The following GABBR2 variants were observed in gnomAD, a reference collection of about 807,000 sequenced individuals.
GABBR2 encodes gamma-aminobutyric acid type B receptor subunit 2.
A neutral mutation model predicts 105.6 loss-of-function variants in GABBR2; 23 were observed. The ratio of observed to expected loss-of-function variants is 0.22; its 90% CI spans 0.16 to 0.31. The LOEUF (loss-of-function observed/expected upper bound fraction) is 0.31. Among genes scored for constraint, GABBR2 ranks in the 10% least tolerant of loss-of-function variants. The probability of loss-of-function intolerance (pLI) is 1.00; values close to 1 mark genes in which losing one functional copy is unlikely to be tolerated. For synonymous variants in GABBR2, 478 were observed against 499.7 expected (o/e 0.96, Z 0.58); for missense variants, 734 against 1,245.5 (o/e 0.59, Z 6.18).
intron 1 of GABBR2, among the ~76,000 whole-genome samples, chr9:98,616,608 G>T (rs944269791): frequency 6.6e-6 from 1 of 152,128 alleles, no homozygotes; most frequent in African/African-American, 2.4e-5. Context: ...ACAAAAATTA[G>T]CTGGGCATGG....
intron 8 of GABBR2, among the ~76,000 whole-genome samples, chr9:98,405,778 A>G (rs1645836952): frequency 6.6e-6 from 1 of 152,254 alleles, no homozygotes; most frequent in African/African-American, 2.4e-5. Flanking sequence ...AAGAAAAAAA[A>G]GTCTGTATGT....
chr9:98,474,903 C>A (rs1178448167), intron 5 of GABBR2, among the ~76,000 whole-genome samples: 1 of 152,142 alleles, frequency 6.6e-6, no homozygotes, highest in Non-Finnish European at 1.5e-5. Context: ...CCCTTAATAC[C>A]TGAGAAAGCC....
intron 3 of GABBR2, among the ~76,000 whole-genome samples, chr9:98,500,561 C>G (rs190478595): frequency 6.6e-6 from 1 of 152,376 alleles, no homozygotes; most frequent in East Asian, 1.9e-4. Context: ...GGGGAAAACT[C>G]TCCCTGTTTC....
chr9:98,680,294 CATTTT>C (rs2131868602), intron 1 of GABBR2, among the ~76,000 whole-genome samples: 1 of 152,016 alleles, frequency 6.6e-6, no homozygotes, highest in South Asian at 2.1e-4. Context: ...CTATTATTAT[CATTTT>C]ATTTATTTAT....
chr9:98,585,202 T>C (rs529043607), intron 1 of GABBR2, among the ~76,000 whole-genome samples: 1 of 152,146 alleles, frequency 6.6e-6, no homozygotes, highest in East Asian at 1.9e-4. Flanking sequence ...TACTGTGCCC[T>C]CAGCACTATT....
At chr9:98,362,869 A>T (rs764167849) in intron 12 of GABBR2, 32 bp from the exon 13 acceptor site, 57 of 1,475,690 alleles carry the variant, frequency 3.9e-5, no homozygotes, top group Non-Finnish European at 4.9e-5. Flanking sequence ...AGGGGAGCCG[A>T]TGTGAGAGAC....
rs117618609 is a variant in GABBR2, at chr9:98,579,134, C to T, written c.322-1062G>A. ...AAATTTTAGGTTATGTATATTTTTA[C>T]CACAGTCTTAAAAAAATGATGATGA... is the stretch of plus-strand genomic sequence containing the variant. On this transcript the variant is annotated intron_variant, in intron 1 of 18. Coordinates refer to ENST00000259455, the MANE Select transcript of GABBR2 (RefSeq NM_005458.8). 7.7e-3 allele frequency among the ~76,000 whole-genome samples: 1,169 copies of T among 152,176 alleles called. 10 individuals are homozygous for T. Among genetic ancestry groups the T allele is most frequent in the Non-Finnish European group, 0.012 (791 of 68,002 alleles).
In GABBR2 at chr9:98,306,398, C is replaced by A; in HGVS notation, c.2005-53G>T. Reference sequence around the variant, plus strand: ...ATGATCGTTACCAAGGGGTGGCACACACAGGCTGCTCTGAGAAGCTGTGGA... The same window carrying A: ...ATGATCGTTACCAAGGGGTGGCACAAACAGGCTGCTCTGAGAAGCTGTGGA... On this transcript the variant is annotated intron_variant, in intron 14 of 18. Transcript: ENST00000259455. The surrounding 1 kb of genome is among the most constrained non-coding windows in gnomAD (Gnocchi z 5.4). 1 of 1,272,632 alleles carries A rather than the reference C, an allele frequency of 7.9e-7. No homozygotes were observed. The allele number at this position is 1,272,632 out of a possible 1,614,324, so 78.8% of individuals were successfully genotyped here.
intron 3 of GABBR2, among the ~76,000 whole-genome samples, chr9:98,497,123 G>T (rs989597727): frequency 6.6e-6 from 1 of 152,176 alleles, no homozygotes; most frequent in African/African-American, 2.4e-5. Flanking sequence ...GAATGATAGG[G>T]CTGGGCGTGG....
chr9:98,399,345 C>G (rs531017026), intron 8 of GABBR2, among the ~76,000 whole-genome samples: 135 of 140,106 alleles, frequency 9.6e-4, no homozygotes, highest in African/African-American at 3.6e-3. Context: ...AAGCAAGACT[C>G]CATCTCAAAA....
chr9:98,417,004 C>T (rs1832699956), intron 7 of GABBR2, among the ~76,000 whole-genome samples: 1 of 152,168 alleles, frequency 6.6e-6, no homozygotes. Context: ...CTGTTCATGT[C>T]CTCTTTGGCA....
chr9:98,378,332 G>C (rs1831913562), intron 11 of GABBR2, among the ~76,000 whole-genome samples: 1 of 152,106 alleles, frequency 6.6e-6, no homozygotes, highest in Non-Finnish European at 1.5e-5. Context: ...GAGGCCGAAG[G>C]GGTGCTTCGG....
At chr9:98,375,673 C>A (rs958502095) in intron 11 of GABBR2, among the ~76,000 whole-genome samples, 17 of 152,110 alleles carry the variant, frequency 1.1e-4, no homozygotes, top group Non-Finnish European at 2.2e-4. Flanking sequence ...CTCAGCTGCC[C>A]CTTCCACATG....
intron 1 of GABBR2, among the ~76,000 whole-genome samples, chr9:98,638,468 C>T (rs1011920544): frequency 1.3e-5 from 2 of 152,160 alleles, no homozygotes; most frequent in African/African-American, 4.8e-5. Flanking sequence ...CAGGCCAGCT[C>T]TCACTAATGC....
intron 1 of GABBR2, among the ~76,000 whole-genome samples, chr9:98,583,056 C>T (rs1482673926): frequency 1.3e-5 from 2 of 152,138 alleles, no homozygotes; most frequent in Non-Finnish European, 2.9e-5. Flanking sequence ...AAGACCATTT[C>T]CCCCAGGATA....
intron 3 of GABBR2, among the ~76,000 whole-genome samples, chr9:98,540,819 G>GA (rs1185080973): frequency 6.6e-6 from 1 of 152,170 alleles, no homozygotes; most frequent in South Asian, 2.1e-4. Flanking sequence ...AAGCAAATGG[G>GA]AAAAAAGACA....
chr9:98,658,445 G>C (rs534675773), intron 1 of GABBR2, among the ~76,000 whole-genome samples: 1 of 152,080 alleles, frequency 6.6e-6, no homozygotes, highest in African/African-American at 2.4e-5. Flanking sequence ...GTGTGACCTG[G>C]CTAACTCAAG....
intron 7 of GABBR2, among the ~76,000 whole-genome samples, chr9:98,451,241 CCTT>C (rs1481614120): frequency 6.6e-6 from 1 of 152,096 alleles, no homozygotes; most frequent in African/African-American, 2.4e-5. Context: ...GTTCAGGGCT[CCTT>C]CTCTGTTCAA....
At chr9:98,704,572 GA>G (rs1372759234) in intron 1 of GABBR2, among the ~76,000 whole-genome samples, 4 of 151,752 alleles carry the variant, frequency 2.6e-5, no homozygotes, top group African/African-American at 9.7e-5. Context: ...TTAACTGAAG[GA>G]AAAAAACATA....
Sources: gnomAD v4.1 joint callset for allele counts (sites outside exome capture counted in the v4.1 genomes callset) on GRCh38, gnomAD v4.1.1 for gene constraint, Gnocchi (gnomAD v3.1) non-coding constraint, MANE v1.5 for transcripts, NCBI Gene and HGNC (gene_info 2026-07-23, HGNC 2026-07-21) for gene names.